The following EPHX2 variants were observed in gnomAD, a reference collection of about 807,000 sequenced individuals.
EPHX2 encodes epoxide hydrolase 2.
Under a neutral mutation model 78.7 loss-of-function variants are expected in EPHX2, and 74 were observed. The observed-to-expected ratio is 0.94, with a 90% CI of 0.78 to 1.14. The LOEUF (loss-of-function observed/expected upper bound fraction) is 1.14. Ranked by LOEUF, EPHX2 falls within the 50% of genes most tolerant of loss-of-function variation. EPHX2 has a pLI of 0.00. For synonymous variants in EPHX2, 251 were observed against 255.2 expected (o/e 0.98, Z 0.16); for missense variants, 715 against 702.5 (o/e 1.02, Z -0.20).
At chr8:27,516,433 T>G in intron 8 of EPHX2, 35 bp downstream of exon 8, 1 of 1,599,736 alleles carries the variant, frequency 6.3e-7, no homozygotes, top group Non-Finnish European at 8.6e-7. Context: ...CTTATGCTGG[T>G]CTTGCCTTCT....
intron 14 of EPHX2, 126 bp downstream of exon 14, chr8:27,538,818 G>A (rs538912480): frequency 9.4e-7 from 1 of 1,058,732 alleles, no homozygotes; most frequent in Admixed American, 1.8e-5. Flanking sequence ...TGCCCAACCA[G>A]GGTCCCCTCG....
intron 5 of EPHX2, among the ~76,000 whole-genome samples, chr8:27,510,454 G>A (rs116960409): frequency 5.5e-4 from 83 of 152,252 alleles, no homozygotes; most frequent in Non-Finnish European, 8.1e-4. Flanking sequence ...AAGCCCTCAC[G>A]GACTCCTGAG....
chr8:27,507,462 G>A (rs539005096), intron 5 of EPHX2, among the ~76,000 whole-genome samples: 2 of 152,224 alleles, frequency 1.3e-5, no homozygotes, highest in East Asian at 3.9e-4. Flanking sequence ...GATGTCCCTG[G>A]GGTTGCCTGG....
chr8:27,543,316 C>G (rs1815469445), intron 16 of EPHX2, among the ~76,000 whole-genome samples: 2 of 152,128 alleles, frequency 1.3e-5, no homozygotes, highest in Non-Finnish European at 2.9e-5. Context: ...GTGTTCAACT[C>G]ATTTGCCAGC....
rs558959164 is a variant in EPHX2, at chr8:27,497,622, T to C, written c.102-3304T>C. On this transcript the variant is annotated intron_variant, in intron 1 of 18. Coordinates refer to ENST00000521400, the MANE Select transcript of EPHX2 (RefSeq NM_001979.6). ...TAGCTTTTGGAGCTTTTTCCTGATA[T>C]CTGCGGCTGATTGGGTAATAAACTT... Among the ~76,000 whole-genome samples the C allele has an allele frequency of 2.2e-4, 34 of 152,358 alleles. No individual in the cohort carries two copies. In the South Asian group the frequency reaches 6.8e-3, roughly 31 times the overall value.
chr8:27,515,863 C>T lies in EPHX2; in HGVS notation c.831+50C>T, dbSNP rs372056335. 18 of 1,518,710 alleles carry T rather than the reference C, an allele frequency of 1.2e-5. No homozygotes were observed. The African/African-American group carries it at 2.3e-4, about 20-fold the overall frequency. 94.1% of individuals were successfully genotyped at this position (1,518,710 alleles called of 1,614,324 possible). ...CCAGTCAGGGTGAGGTTGGGGGAGT[C>T]TAGATGGTGTGGTCCGACGTGGACT... On this transcript the variant is annotated intron_variant, in intron 7 of 18. Transcript: ENST00000521400.
intron 6 of EPHX2, chr8:27,512,116 A>G (rs373455367): frequency 2.6e-5 from 14 of 531,996 alleles, no homozygotes; most frequent in Non-Finnish European, 3.7e-5. Context: ...AAAAAAAAAA[A>G]AAGGACCAGC....
In EPHX2 at chr8:27,544,174, GTT is replaced by G; in HGVS notation, c.1531-10_1531-9del. 1 of 1,614,128 alleles carries G rather than the reference GTT, an allele frequency of 6.2e-7. No homozygotes were observed. The highest frequency in any genetic ancestry group is 1.1e-5 in the South Asian group (1 of 91,082). ...TCTTCCATTTACCTTTCTGCCTGGG[GTT>G]TCCTTTCAGATTCCCCACCTGAAAA... On this transcript the variant is annotated splice_polypyrimidine_tract_variant and intron_variant, in intron 17 of 18. Coordinates refer to ENST00000521400, the MANE Select transcript of EPHX2 (RefSeq NM_001979.6).
chr8:27,536,177 G>A (rs940176404), intron 12 of EPHX2, among the ~76,000 whole-genome samples: 1 of 152,172 alleles, frequency 6.6e-6, no homozygotes, highest in Non-Finnish European at 1.5e-5. Context: ...TGCCCTGTCT[G>A]TGGAATACAA....
chr8:27,527,101 C>T (rs1384942894), intron 12 of EPHX2, among the ~76,000 whole-genome samples: 5 of 152,108 alleles, frequency 3.3e-5, no homozygotes, highest in Admixed American at 6.6e-5. Flanking sequence ...CCACCACTCC[C>T]GGCTAGTTTT....
intron 6 of EPHX2, 185 bp downstream of exon 6, chr8:27,512,095 CT>C: frequency 7.1e-6 from 2 of 279,722 alleles, no homozygotes; most frequent in Non-Finnish European, 6.4e-6. Context: ...GAAACCCTGT[CT>C]CAAGAAAAAA....
chr8:27,509,078 A>G (rs1223924303), intron 5 of EPHX2, among the ~76,000 whole-genome samples: 1 of 145,862 alleles, frequency 6.9e-6, no homozygotes, highest in Non-Finnish European at 1.5e-5. Flanking sequence ...TTTTTTCTCT[A>G]TGAATTGGAC....
intron 6 of EPHX2, chr8:27,515,509 G>T: frequency 3.6e-6 from 2 of 556,688 alleles, no homozygotes; most frequent in Admixed American, 3.1e-5. Context: ...CTTAGGTTAT[G>T]GTGAGAGCCA....
intron 4 of EPHX2, 68 bp from the exon 5 acceptor site, chr8:27,506,804 T>C: frequency 6.4e-7 from 1 of 1,573,378 alleles, no homozygotes; most frequent in Non-Finnish European, 8.6e-7. Context: ...CTCCTCATCA[T>C]AAAATAGCCC....
At chr8:27,509,217 G>A (rs1268447853) in intron 5 of EPHX2, among the ~76,000 whole-genome samples, 1 of 152,014 alleles carries the variant, frequency 6.6e-6, no homozygotes, top group African/African-American at 2.4e-5. Context: ...TCCTTTTTGG[G>A]ATAGAATACT....
chr8:27,496,050 C>G (rs1222514221), intron 1 of EPHX2, among the ~76,000 whole-genome samples: 1 of 152,110 alleles, frequency 6.6e-6, no homozygotes, highest in Non-Finnish European at 1.5e-5. Context: ...CAAGGAACCC[C>G]CACAACTGTT....
chr8:27,491,351 C>T, intron 1 of EPHX2, 42 bp downstream of exon 1: 3 of 1,379,086 alleles, frequency 2.2e-6, no homozygotes, highest in Non-Finnish European at 2.8e-6. Flanking sequence ...GTCGGGGCCT[C>T]AGGAGGCAGA....
Position 27,500,611 on chromosome 8 carries a change from T to A in EPHX2, c.102-315T>A, listed in dbSNP as rs113378773. Among the ~76,000 whole-genome samples, 21 of 152,272 alleles carry A rather than the reference T, an allele frequency of 1.4e-4. 1 individual carries two copies. Among genetic ancestry groups the A allele is most frequent in the African/African-American group, 5.1e-4 (21 of 41,550 alleles). ...TGCCTGGTGCACACGAGGACAGTAA[T>A]GGCCGCGTGCCCACTCTCGGTTCTG... On this transcript the variant is annotated intron_variant, in intron 1 of 18. Transcript: ENST00000521400.
chr8:27,511,753 C>T (rs1814256419), intron 5 of EPHX2, 83 bp from the exon 6 acceptor site: 2 of 1,440,178 alleles, frequency 1.4e-6, no homozygotes, highest in Non-Finnish European at 2.0e-6. Context: ...TTTCCAAGGC[C>T]TCCCCTGGCA....
Sources: allele counts gnomAD v4.1 joint callset (sites outside exome capture counted in the v4.1 genomes callset), GRCh38; gene constraint gnomAD v4.1.1; transcripts MANE v1.5; gene names NCBI Gene and HGNC (gene_info 2026-07-23, HGNC 2026-07-21).